The following CCDC170 variants were observed in gnomAD, a reference collection of about 807,000 sequenced individuals.
The protein encoded by CCDC170 is coiled-coil domain-containing protein 170.
CCDC170 carries 69 observed loss-of-function variants against 72.6 expected under a neutral mutation model. The observed-to-expected ratio is 0.95, with a 90% CI of 0.78 to 1.16. CCDC170 has a LOEUF of 1.16. Among genes scored for constraint, CCDC170 ranks in the 50% most tolerant of loss-of-function variants. The probability of loss-of-function intolerance (pLI) is 0.00; values close to 1 mark genes in which losing one functional copy is unlikely to be tolerated. For missense variants in CCDC170, 852 were observed against 832.5 expected (o/e 1.02, Z -0.29); for synonymous variants, 300 against 303.9 (o/e 0.99, Z 0.13).
chr6:151,546,914 A>T (rs2115057007), intron 4 of CCDC170, among the ~76,000 whole-genome samples: 1 of 152,130 alleles, frequency 6.6e-6, no homozygotes, highest in Admixed American at 6.5e-5. Context: ...CCTGAACAGT[A>T]ATGGAATCTA....
chr6:151,568,592 G>A (rs1776172403), intron 5 of CCDC170, among the ~76,000 whole-genome samples: 1 of 152,146 alleles, frequency 6.6e-6, no homozygotes, highest in South Asian at 2.1e-4. Flanking sequence ...TTCTCTAGAG[G>A]TGATGAGAAT....
intron 3 of CCDC170, among the ~76,000 whole-genome samples, chr6:151,543,949 G>A (rs566667624): frequency 3.6e-4 from 55 of 152,132 alleles, no homozygotes; most frequent in African/African-American, 1.1e-3. Context: ...ACATCTCTTC[G>A]ATATACTGAT....
chr6:151,593,580 G>A (rs927561460), intron 8 of CCDC170, among the ~76,000 whole-genome samples: 3 of 152,126 alleles, frequency 2.0e-5, no homozygotes, highest in Non-Finnish European at 4.4e-5. Context: ...GAGACAGGAA[G>A]TTTGGGGCTG....
Position 151,548,306 on chromosome 6 carries a change from T to C in CCDC170, c.591T>C (p.Leu197=), listed in dbSNP as rs1170876625. The part of the protein sequence containing the change: ...KASDEDLILK[L]RDLRKENEFV... ...AGCTGTAATTGCTTTCTCTTCAGCT[T>C]AGAGACCTGCGCAAAGAAAATGAAT... Residue 197 remains leucine (L), a splice_region_variant and synonymous_variant, in exon 5 of 11, where the codon CTT becomes CTC. Coordinates refer to ENST00000239374, the MANE Select transcript of CCDC170 (RefSeq NM_025059.4). 1 of 1,570,210 alleles carries C rather than the reference T, an allele frequency of 6.4e-7. No homozygotes were observed. Among genetic ancestry groups the C allele is most frequent in the African/African-American group, 1.4e-5 (1 of 73,272 alleles).
chr6:151,534,002 G>A (rs982660450), intron 1 of CCDC170, among the ~76,000 whole-genome samples: 7 of 151,908 alleles, frequency 4.6e-5, no homozygotes, highest in African/African-American at 1.5e-4. Context: ...CAGTGTTAAG[G>A]GAATAATATC....
At chr6:151,517,138 C>G (rs542960214) in intron 1 of CCDC170, among the ~76,000 whole-genome samples, 1 of 152,224 alleles carries the variant, frequency 6.6e-6, no homozygotes, top group African/African-American at 2.4e-5. Context: ...AGTTGGAGAC[C>G]AGCCTGACCA....
rs931553690 is a variant in CCDC170, at chr6:151,578,867, G to A, written c.1092+5376G>A. On this transcript the variant is annotated intron_variant, in intron 6 of 10. Coordinates refer to ENST00000239374, the MANE Select transcript of CCDC170 (RefSeq NM_025059.4). ...AGTGACCCAAATGGCTCTTTCTTCA[G>A]TGTAGAACTTTTTGGCTTCTATTTG... Among the ~76,000 whole-genome samples, 4 of 152,294 alleles carry A rather than the reference G, an allele frequency of 2.6e-5. No individual in the cohort carries two copies. In the South Asian group the frequency reaches 6.2e-4, roughly 24 times the overall value.
intron 9 of CCDC170, among the ~76,000 whole-genome samples, chr6:151,608,510 G>A (rs188333829): frequency 1.3e-5 from 2 of 151,978 alleles, no homozygotes; most frequent in African/African-American, 4.8e-5. Flanking sequence ...ATTGGGTAGG[G>A]TGTTTTGGCT....
intron 1 of CCDC170, among the ~76,000 whole-genome samples, chr6:151,521,032 G>A (rs1782307471): frequency 6.6e-6 from 1 of 152,186 alleles, no homozygotes; most frequent in Non-Finnish European, 1.5e-5. Context: ...AACCCATTGG[G>A]TGGTTACAAA....
chr6:151,513,424 A>G (rs1782177429), intron 1 of CCDC170, among the ~76,000 whole-genome samples: 1 of 152,078 alleles, frequency 6.6e-6, no homozygotes, highest in Admixed American at 6.6e-5. Flanking sequence ...AGCCTGGCCA[A>G]CATGGTGAAA....
At chr6:151,573,559 G>A in intron 6 of CCDC170, 68 bp downstream of exon 6, 1 of 1,401,556 alleles carries the variant, frequency 7.1e-7, no homozygotes, top group Non-Finnish European at 9.9e-7. Flanking sequence ...CATGCTCAGT[G>A]ACTGTATTAG....
chr6:151,496,451 A>G (rs1187162731), intron 1 of CCDC170, among the ~76,000 whole-genome samples: 4 of 152,248 alleles, frequency 2.6e-5, no homozygotes, highest in Non-Finnish European at 5.9e-5. Context: ...AAGTAGCTGC[A>G]GAAAAGGCAG....
At chr6:151,508,963 C>T (rs1303733468) in intron 1 of CCDC170, among the ~76,000 whole-genome samples, 1 of 140,958 alleles carries the variant, frequency 7.1e-6, no homozygotes, top group Non-Finnish European at 1.5e-5. Flanking sequence ...TGTGGTGGGG[C>T]GAGATCATGC....
intron 9 of CCDC170, among the ~76,000 whole-genome samples, chr6:151,600,468 T>C (rs2115125407): frequency 1.3e-5 from 2 of 152,278 alleles, no homozygotes; most frequent in East Asian, 3.9e-4. Flanking sequence ...GTGTCTCTTC[T>C]TTTCTGTCTC....
intron 8 of CCDC170, 77 bp downstream of exon 8, chr6:151,593,357 C>T: frequency 6.9e-7 from 1 of 1,443,514 alleles, no homozygotes; most frequent in Non-Finnish European, 9.5e-7. Context: ...TAATGTACTG[C>T]CACCATGTTT....
chr6:151,548,608 A>C (rs1782818624), intron 5 of CCDC170, 119 bp downstream of exon 5: 1 of 876,720 alleles, frequency 1.1e-6, no homozygotes, highest in South Asian at 3.7e-5. Flanking sequence ...TATTGATCAC[A>C]ATTTTAAGAG....
intron 9 of CCDC170, among the ~76,000 whole-genome samples, chr6:151,606,994 T>C (rs1776795991): frequency 6.6e-6 from 1 of 152,178 alleles, no homozygotes; most frequent in South Asian, 2.1e-4. Flanking sequence ...TCTATGTGTC[T>C]TTACAGGTGA....
At chr6:151,497,785 G>A (rs1781930776) in intron 1 of CCDC170, among the ~76,000 whole-genome samples, 1 of 151,874 alleles carries the variant, frequency 6.6e-6, no homozygotes, top group Non-Finnish European at 1.5e-5. Context: ...AGACCATCCT[G>A]GCTAACATGG....
chr6:151,577,572 G>A (rs1416754616), intron 6 of CCDC170, among the ~76,000 whole-genome samples: 1 of 152,188 alleles, frequency 6.6e-6, no homozygotes, highest in Non-Finnish European at 1.5e-5. Context: ...GTACACCTAA[G>A]GCTTTATTTC....
Sources: gnomAD v4.1 joint callset for allele counts (sites outside exome capture counted in the v4.1 genomes callset) on GRCh38, gnomAD v4.1.1 for gene constraint, MANE v1.5 for transcripts, NCBI Gene and HGNC (gene_info 2026-07-23, HGNC 2026-07-21) for gene names.